Variants in TNK2 observed in about 807,000 individuals in gnomAD.
TNK2 encodes the protein tyrosine kinase non receptor 2.
In TNK2, 83 loss-of-function variants were observed where a neutral mutation model predicts 101.8. The observed-to-expected ratio is 0.82, with a 90% confidence interval of 0.68 to 0.98. TNK2 has a LOEUF of 0.98. TNK2 is among the 50% of genes least tolerant of loss of function. The pLI, the probability that TNK2 is intolerant of heterozygous loss-of-function variation, is 0.00. For synonymous variants in TNK2, 804 were observed against 633.0 expected (o/e 1.27, Z -4.06); for missense variants, 1,665 against 1,483.2 (o/e 1.12, Z -2.01).
At chr3:195,895,701 C>T in intron 1 of TNK2, 2 of 799,216 alleles carry the variant, frequency 2.5e-6, no homozygotes, top group Non-Finnish European at 3.4e-6. Context: ...GGCCCCAGAG[C>T]CACCAACTGG....
At chr3:195,900,450 G>A (rs1212233374) in intron 1 of TNK2, among the ~76,000 whole-genome samples, 2 of 152,212 alleles carry the variant, frequency 1.3e-5, no homozygotes, top group Non-Finnish European at 2.9e-5. Flanking sequence ...TGGACTTGGT[G>A]GGGCTGACAC....
Position 195,879,123 on chromosome 3 carries a change from A to G in TNK2, c.940T>C (p.Trp314Arg). The G allele has an allele frequency of 6.2e-7, 1 of 1,613,628 alleles. No individual in the cohort carries two copies. ...TRTFSHASDT[W>R]MFGVTLWEMF... ...TCCCACAGTGTCACCCCGAACATCCAGGTGTCGCTGGCATGGGAGAAGGTG... is the reference window on the plus strand; with the variant it reads ...TCCCACAGTGTCACCCCGAACATCCGGGTGTCGCTGGCATGGGAGAAGGTG... Residue 314 changes from tryptophan (W) to arginine (R), a missense_variant, in exon 7 of 16, where the codon TGG becomes CGG. By Grantham distance (101) the Trp-to-Arg change is moderately radical. Around this residue, in one of 3 missense-constraint regions of TNK2, gnomAD observed 490 missense variants for 522.5 expected, o/e 0.94. Transcript: ENST00000672887.
At chr3:195,876,674 G>A (rs1478384609) in intron 9 of TNK2, 4 of 454,524 alleles carry the variant, frequency 8.8e-6, no homozygotes, top group South Asian at 1.6e-5. Flanking sequence ...TGGTGGCCCA[G>A]GGGGAAGGAG....
In TNK2 at chr3:195,879,150, G is replaced by C; in HGVS notation, c.913C>G (p.Arg305Gly). Residue 305 changes from arginine (R) to glycine (G), a missense_variant, in exon 7 of 16, where the codon CGC (arginine) becomes GGC (glycine). By Grantham distance (125) the Arg-to-Gly change is moderately radical. Transcript: ENST00000672887. ...AWCAPESLKT[R>G]TFSHASDTWM... ...GTGTCGCTGGCATGGGAGAAGGTGC[G>C]TGTCTTCAGGCTCTCGGGGGCACAC... 2 of 1,613,744 alleles carry C rather than the reference G, an allele frequency of 1.2e-6. No individual in the cohort carries two copies. Among genetic ancestry groups the C allele is most frequent in the Non-Finnish European group, 1.7e-6 (2 of 1,179,992 alleles).
intron 9 of TNK2, among the ~76,000 whole-genome samples, chr3:195,873,182 C>T (rs1478562002): frequency 3.3e-5 from 5 of 152,194 alleles, no homozygotes; most frequent in South Asian, 2.1e-4. Context: ...CTCAGCTCTC[C>T]CACAGTGACC....
rs1399848420 is a variant in TNK2 at position 195,884,974 on chromosome 3, G to A, written c.294C>T (p.Phe98=). Residue 98 remains phenylalanine (F), a synonymous_variant, in exon 4 of 16, where the codon TTC becomes TTT. Transcript: ENST00000672887. ...EFPPHHSQST[F]RKTSPAPGGP... ...CCCCAGGGGCGGGCGAGGTCTTCCG[G>A]AAGGTGCTCTGAGAGTGATGAGGTG... 4 of 1,613,696 alleles carry A rather than the reference G, an allele frequency of 2.5e-6. No individual in the cohort carries two copies. The highest frequency in any genetic ancestry group is 1.3e-5 in the African/African-American group (1 of 74,910).
intron 1 of TNK2, among the ~76,000 whole-genome samples, chr3:195,900,551 C>T (rs183261046): frequency 3.6e-4 from 55 of 152,304 alleles, no homozygotes; most frequent in Admixed American, 2.4e-3. Context: ...GTGTCAACGC[C>T]GACACAAAGA....
At position 195,883,035 on chromosome 3, in the gene TNK2, A is replaced by AGGTTGGG. The variant is rs1753908367; in HGVS notation, c.609+115_609+121dup. On this transcript the variant is annotated intron_variant, in intron 5 of 15. Coordinates refer to ENST00000672887, the MANE Select transcript of TNK2 (RefSeq NM_001382273.1). The stretch of plus-strand genomic sequence containing the variant: ...CCCCTGTGGACCCCTTTACTCCATC[A>AGGTTGGG]GGTTGGGGGACCAAAGTAGGATCTA... The AGGTTGGG allele has an allele frequency of 6.6e-6, 8 of 1,208,356 alleles. No homozygotes were observed. In the East Asian group the frequency reaches 2.0e-4, roughly 30 times the overall value. 74.9% of individuals were successfully genotyped at this position (1,208,356 alleles called of 1,614,324 possible). A position where few individuals can be genotyped will look rare whatever the true frequency, so the allele number is the denominator to read the frequency against.
chr3:195,870,085 G>A (rs1743953422), intron 11 of TNK2, 29 bp downstream of exon 11: 1 of 1,443,070 alleles, frequency 6.9e-7, no homozygotes. Context: ...CGATGAGTTA[G>A]GGACACCAGG....
chr3:195,887,184 A>G (rs886130018), intron 2 of TNK2, 137 bp from the exon 3 acceptor site: 2 of 813,242 alleles, frequency 2.5e-6, no homozygotes, highest in Admixed American at 4.7e-5. Context: ...AACCCCAACT[A>G]ACCCGGAGCC....
intron 1 of TNK2, among the ~76,000 whole-genome samples, chr3:195,891,587 C>A (rs1422439946): frequency 6.6e-6 from 1 of 152,112 alleles, no homozygotes; most frequent in Non-Finnish European, 1.5e-5. Context: ...CACTAGGAGT[C>A]ACGGGCCTAG....
chr3:195,869,497 T>C lies in TNK2; in HGVS notation c.1588A>G (p.Lys530Glu). The change falls in exon 12 of 16, where the codon AAA (lysine) becomes GAA (glutamate). Residue 530 changes from lysine to glutamate, a missense_variant and splice_region_variant. By Grantham distance (56) the Lys-to-Glu change is moderately conservative (BLOSUM62 1). Coordinates refer to ENST00000672887, the MANE Select transcript of TNK2 (RefSeq NM_001382273.1). Reference sequence around the variant, plus strand: ...AGGCATCGGAAGCAGCCCCACTTACTCTGAGTGAAGAAGGCAGGCTGAGGT... The same window carrying C: ...AGGCATCGGAAGCAGCCCCACTTACCCTGAGTGAAGAAGGCAGGCTGAGGT... ...RPPQPAFFTQ[K>E]PTYDPVSEDQ... 3.9e-6 allele frequency: 6 copies of C among 1,549,382 alleles called. No homozygotes were observed. The highest frequency in any genetic ancestry group is 5.2e-6 in the Non-Finnish European group (6 of 1,146,290).
chr3:195,896,961 C>T (rs1760634622), intron 1 of TNK2, among the ~76,000 whole-genome samples: 1 of 152,184 alleles, frequency 6.6e-6, no homozygotes, highest in Non-Finnish European at 1.5e-5. Context: ...AGGATTTTTC[C>T]AAAACAATCT....
At position 195,868,184 on chromosome 3, in the gene TNK2, G is replaced by GGGA; in HGVS notation, c.2111_2113dup (p.Leu704dup). On this transcript the variant is annotated inframe_insertion, in exon 13 of 16. Coordinates refer to ENST00000672887, the MANE Select transcript of TNK2 (RefSeq NM_001382273.1). ...GGGCGGCTTGCCCCCACCCTGGGGCGGGAGGAACAGGTTGTCCTCCAGGGG... is the reference window on the plus strand; with the variant it reads ...GGGCGGCTTGCCCCCACCCTGGGGCGGGAGGAGGAACAGGTTGTCCTCCAGGGG... 1 of 1,609,356 alleles carries GGGA rather than the reference G, an allele frequency of 6.2e-7. No homozygotes were observed. The highest frequency in any genetic ancestry group is 8.5e-7 in the Non-Finnish European group (1 of 1,178,770).
chr3:195,901,920 T>C (rs923654753), intron 1 of TNK2, among the ~76,000 whole-genome samples: 1 of 152,178 alleles, frequency 6.6e-6, no homozygotes, highest in Non-Finnish European at 1.5e-5. Flanking sequence ...GTGGATACCA[T>C]GTCATTCACT....
In TNK2 at chr3:195,885,369, C is replaced by CCCT; in HGVS notation, c.235-339_235-337dup. On this transcript the variant is annotated intron_variant, in intron 3 of 15. Transcript: ENST00000672887. The surrounding 1 kb of genome is among the most constrained non-coding windows in gnomAD (Gnocchi z 4.7). ...GGAGTCTCCTCCCAGTCCTGCCCCA[C>CCCT]CCTCCCTTCCTGCACCCGCCACCCC... is the stretch of plus-strand genomic sequence containing the variant. The CCCT allele has an allele frequency of 7.3e-7, 1 of 1,367,324 alleles. No homozygotes were observed. The highest frequency in any genetic ancestry group is 9.6e-7 in the Non-Finnish European group (1 of 1,043,398). The allele number at this position is 1,367,324 out of a possible 1,614,324, so 84.7% of individuals were successfully genotyped here.
rs1160848702 is a variant in TNK2 at position 195,883,247 on chromosome 3, G to A, written c.519C>T (p.Asp173=). 1.9e-6 allele frequency: 3 copies of A among 1,613,216 alleles called. No individual in the cohort carries two copies. The highest frequency in any genetic ancestry group is 2.5e-6 in the Non-Finnish European group (3 of 1,180,036). The change falls in exon 5 of 16, where the codon GAC becomes GAT. Residue 173 remains aspartate (D), a synonymous_variant. Transcript: ENST00000672887. ...DVLSQPEAMD[D]FIREVNAMHS... ...GCATGGCATTGACCTCCCGGATGAA[G>A]TCGTCCATGGCTTCTGGCTGGCTCA...
chr3:195,868,608 C>T lies in TNK2; in HGVS notation c.1690G>A (p.Ala564Thr). The T allele has an allele frequency of 6.3e-7, 1 of 1,586,178 alleles. No individual in the cohort carries two copies. The highest frequency in any genetic ancestry group is 2.3e-5 in the East Asian group (1 of 44,064). Reference protein sequence around the residue: ...KPGLPRGLWLAKPSARVPGTK... With the variant: ...KPGLPRGLWLTKPSARVPGTK... ...CCCGGCACCCGCGCCGAGGGCTTCG[C>T]CAGCCACAGCCCTCGGGGCAGGCCT... The change falls in exon 13 of 16, where the codon GCG becomes ACG. Residue 564 changes from alanine to threonine, a missense_variant. Coordinates refer to ENST00000672887, the MANE Select transcript of TNK2 (RefSeq NM_001382273.1).
chr3:195,883,431 G>T, intron 4 of TNK2, 122 bp from the exon 5 acceptor site: 1 of 1,212,294 alleles, frequency 8.2e-7, no homozygotes, highest in Non-Finnish European at 1.2e-6. Context: ...ATCTGGGTGG[G>T]TAAGCATGTC....
Sources: gnomAD v4.1 joint callset for allele counts (sites outside exome capture counted in the v4.1 genomes callset) on GRCh38, gnomAD v4.1.1 for gene constraint, gnomAD v4.1.1 regional missense constraint, Gnocchi (gnomAD v3.1) non-coding constraint, MANE v1.5 for transcripts, NCBI Gene and HGNC (gene_info 2026-07-23, HGNC 2026-07-21) for gene names.